Variants in MEGF6 observed in about 807,000 individuals in gnomAD.
MEGF6 encodes the protein multiple epidermal growth factor-like domains protein 6.
Under a neutral mutation model 207.1 loss-of-function variants are expected in MEGF6, and 184 were observed. That is an observed-to-expected ratio of 0.89 (90% CI 0.79 to 1.00). The LOEUF (loss-of-function observed/expected upper bound fraction) is 1.00, where lower values mean the gene tolerates loss of function less well. Among genes scored for constraint, MEGF6 ranks in the 50% least tolerant of loss-of-function variants. The pLI is 0.00. For missense variants in MEGF6, 2,282 were observed against 2,202.9 expected, an observed-to-expected ratio of 1.04 and a Z score of -0.72; for synonymous variants, 1,038 against 910.0, an observed-to-expected ratio of 1.14 and a Z score of -2.53.
chr1:3,547,700 C>CAAGTTGCTG (rs1338472024), intron 4 of MEGF6, among the ~76,000 whole-genome samples: 1 of 152,194 alleles, frequency 6.6e-6, no homozygotes, highest in East Asian at 1.9e-4. Context: ...AACACCACAT[C>CAAGTTGCTG]AAGTTGCTGA....
At position 3,499,138 on chromosome 1, in the gene MEGF6, C is replaced by T. The variant is rs776014917; in HGVS notation, c.3094G>A (p.Ala1032Thr). The T allele has an allele frequency of 6.2e-7, 1 of 1,604,318 alleles. No homozygotes were observed. Among genetic ancestry groups the T allele is most frequent in the Non-Finnish European group, 8.5e-7 (1 of 1,176,888 alleles). The change falls in exon 24 of 37, where the codon GCC (alanine) becomes ACC (threonine). Residue 1032 changes from alanine (A) to threonine (T), a missense_variant and splice_region_variant. Coordinates refer to ENST00000356575, the MANE Select transcript of MEGF6 (RefSeq NM_001409.4). ...PGWMGPSCLQ[A>T]CPAGLYGDNC... The stretch of plus-strand genomic sequence containing the variant: ...CCCTGGACTCCTAGATGTGGCTTAC[C>T]CTGCAGGCAGGAGGGCCCCATCCAG...
rs76372797 is a variant in MEGF6, at chr1:3,604,490, G to A, written c.132-1890C>T. ...GGATCAGCTGCACGAACCCAGGGCA[G>A]GTGGAAAGGCTCTGCCATTGCCTCT... is the stretch of plus-strand genomic sequence containing the variant. On this transcript the variant is annotated intron_variant, in intron 1 of 36. Transcript: ENST00000356575. Among the ~76,000 whole-genome samples, 1,110 of 152,284 alleles carry A rather than the reference G, an allele frequency of 7.3e-3. 23 individuals carry two copies. In the East Asian group the frequency reaches 0.088, roughly 12 times the overall value.
At chr1:3,500,905 C>T (rs1640831682) in intron 20 of MEGF6, 61 bp downstream of exon 20, 7 of 1,608,392 alleles carry the variant, frequency 4.4e-6, no homozygotes, top group South Asian at 2.2e-5. Flanking sequence ...GGGCAGAGGC[C>T]TCTCCAGGGG....
intron 4 of MEGF6, among the ~76,000 whole-genome samples, chr1:3,550,490 GGGTCGCTATGTTTCAAA>G (rs1172262384): frequency 1.4e-5 from 2 of 143,366 alleles, no homozygotes; most frequent in African/African-American, 5.9e-5. Context: ...AATGCACAAA[GGGTCGCTATGTTTCAAA>G]GGGGTTATTT....
At chr1:3,601,958 G>C (rs1295299224) in intron 2 of MEGF6, among the ~76,000 whole-genome samples, 1 of 152,250 alleles carries the variant, frequency 6.6e-6, no homozygotes, top group Non-Finnish European at 1.5e-5. Flanking sequence ...TGACACGGGG[G>C]CTGCCAGCTC....
chr1:3,562,481 C>A (rs1643231555), intron 4 of MEGF6, among the ~76,000 whole-genome samples: 1 of 152,222 alleles, frequency 6.6e-6, no homozygotes, highest in Admixed American at 6.5e-5. Flanking sequence ...CAGGAAGGAA[C>A]CCAGAGGCTC....
chr1:3,568,403 G>A (rs1176995707), intron 4 of MEGF6, among the ~76,000 whole-genome samples: 2 of 152,042 alleles, frequency 1.3e-5, no homozygotes, highest in African/African-American at 4.8e-5. Flanking sequence ...AGTGGTCCTA[G>A]GCCCCTCATG....
At chr1:3,547,662 G>A (rs1401410867) in intron 4 of MEGF6, among the ~76,000 whole-genome samples, 5 of 152,188 alleles carry the variant, frequency 3.3e-5, no homozygotes, top group African/African-American at 9.7e-5. Flanking sequence ...CATCTGAGTT[G>A]GGCCTGGAGA....
chr1:3,543,003 C>T (rs1158450094), intron 4 of MEGF6, among the ~76,000 whole-genome samples: 6 of 152,202 alleles, frequency 3.9e-5, no homozygotes, highest in African/African-American at 1.4e-4. Flanking sequence ...GGGCACATGT[C>T]AGAGGCCGTG....
intron 5 of MEGF6, among the ~76,000 whole-genome samples, chr1:3,518,501 G>A (rs971451371): frequency 7.2e-5 from 11 of 152,184 alleles, no homozygotes; most frequent in East Asian, 5.8e-4. Context: ...CCTGGGCGGC[G>A]GAGGGAGTGG....
intron 4 of MEGF6, among the ~76,000 whole-genome samples, chr1:3,531,765 CG>C (rs1293228780): frequency 6.6e-6 from 1 of 151,468 alleles, no homozygotes; most frequent in African/African-American, 2.4e-5. Context: ...GGAGCCAACA[CG>C]GAAAAGAAGC....
At chr1:3,599,320 G>T (rs1035041096) in intron 2 of MEGF6, among the ~76,000 whole-genome samples, 4 of 152,240 alleles carry the variant, frequency 2.6e-5, no homozygotes, top group African/African-American at 9.6e-5. Context: ...TCCAGGGCAG[G>T]AGGGTGACCC....
At position 3,560,418 on chromosome 1, in the gene MEGF6, G is replaced by A. The variant is rs1643164714; in HGVS notation, c.481+19407C>T. On this transcript the variant is annotated intron_variant, in intron 4 of 36. Transcript: ENST00000356575. This position sits in a 1 kb window ranked among gnomAD's most constrained non-coding sequence, Gnocchi z 4.0. ...ATCCACCATTGTAAGATCACGCAGAGGAGTTCCTGCCCTAAAAATCCTCTG... is the reference window on the plus strand; with the variant it reads ...ATCCACCATTGTAAGATCACGCAGAAGAGTTCCTGCCCTAAAAATCCTCTG... Among the ~76,000 whole-genome samples, 1 of 152,134 alleles carries A rather than the reference G, an allele frequency of 6.6e-6. No individual in the cohort carries two copies. Among genetic ancestry groups the A allele is most frequent in the Non-Finnish European group, 1.5e-5 (1 of 68,036 alleles).
chr1:3,490,432 G>T lies in MEGF6; in HGVS notation c.*96C>A. ...CCTCAAAGGAAGGGCAGTACCAGGAGCTCTGGGCCCGTGAAGTGTCCTTCT... is the reference window on the plus strand; with the variant it reads ...CCTCAAAGGAAGGGCAGTACCAGGATCTCTGGGCCCGTGAAGTGTCCTTCT... On this transcript the variant is annotated 3_prime_UTR_variant, in exon 37 of 37. Transcript: ENST00000356575. 2 of 1,360,714 alleles carry T rather than the reference G, an allele frequency of 1.5e-6. No homozygotes were observed. The highest frequency in any genetic ancestry group is 2.1e-6 in the Non-Finnish European group (2 of 972,972). The allele number at this position is 1,360,714 out of a possible 1,614,324, so 84.3% of individuals were successfully genotyped here.
the MEGF6 span, among the ~76,000 whole-genome samples, chr1:3,620,893 G>A: frequency 3.3e-5 from 5 of 152,366 alleles, no homozygotes; most frequent in Middle Eastern, 3.4e-3. Flanking sequence ...GTAAGGTCAC[G>A]TGGTTCACAT....
chr1:3,508,808 G>A lies in MEGF6; in HGVS notation c.1529-119C>T, dbSNP rs1218669698. ...CATAAGGGGCATCCTCGGCCCATGA[G>A]GGCCCCCAAAGGGTGACATGGGGAC... On this transcript the variant is annotated intron_variant, in intron 12 of 36. Coordinates refer to ENST00000356575, the MANE Select transcript of MEGF6 (RefSeq NM_001409.4). 4.5e-6 allele frequency: 6 copies of A among 1,336,392 alleles called. No homozygotes were observed. The East Asian group carries it at 1.4e-4, about 32-fold the overall frequency. The allele number at this position is 1,336,392 out of a possible 1,614,324, so 82.8% of individuals were successfully genotyped here.
chr1:3,585,017 T>G (rs1294711666), intron 3 of MEGF6, among the ~76,000 whole-genome samples: 1 of 152,260 alleles, frequency 6.6e-6, no homozygotes, highest in African/African-American at 2.4e-5. Flanking sequence ...TGGGAGCAGG[T>G]GTAGGTGTGA....
intron 3 of MEGF6, among the ~76,000 whole-genome samples, chr1:3,592,182 G>A (rs578197300): frequency 1.3e-5 from 2 of 152,282 alleles, no homozygotes; most frequent in South Asian, 2.1e-4. Flanking sequence ...AGGCTGGCAC[G>A]GTGCCCCCAG....
intron 20 of MEGF6, 87 bp downstream of exon 20, chr1:3,500,879 A>G: frequency 6.2e-7 from 1 of 1,600,452 alleles, no homozygotes; most frequent in Non-Finnish European, 8.5e-7. Flanking sequence ...GCAAGCCCCT[A>G]GTCCTCGGGG....
Sources: allele counts gnomAD v4.1 joint callset (sites outside exome capture counted in the v4.1 genomes callset), GRCh38; gene constraint gnomAD v4.1.1; non-coding constraint Gnocchi (gnomAD v3.1); transcripts MANE v1.5; gene names NCBI Gene and HGNC (gene_info 2026-07-23, HGNC 2026-07-21).